The following DIP2C variants were observed in gnomAD, a reference collection of about 807,000 sequenced individuals.
The protein encoded by DIP2C is disco-interacting protein 2 homolog C.
In DIP2C, 33 loss-of-function variants were observed where a neutral mutation model predicts 192.4. The observed-to-expected ratio is 0.17, with a 90% CI of 0.13 to 0.23. The LOEUF (loss-of-function observed/expected upper bound fraction) is 0.23. DIP2C is among the 10% of genes least tolerant of loss of function. The pLI, the probability that DIP2C is intolerant of heterozygous loss-of-function variation, is 1.00. For missense variants in DIP2C, 1,537 were observed against 2,110.1 expected (o/e 0.73, Z 5.32); for synonymous variants, 979 against 864.1 (o/e 1.13, Z -2.33).
At chr10:351,512 C>A (rs1393592877) in intron 24 of DIP2C, among the ~76,000 whole-genome samples, 1 of 152,202 alleles carries the variant, frequency 6.6e-6, no homozygotes, top group African/African-American at 2.4e-5. Context: ...TGGCTGGTCT[C>A]CTCCATGGAG....
At chr10:371,118 A>G (rs2132795884) in intron 17 of DIP2C, among the ~76,000 whole-genome samples, 1 of 152,058 alleles carries the variant, frequency 6.6e-6, no homozygotes, top group East Asian at 1.9e-4. Flanking sequence ...CAAAATGAAA[A>G]CACAGGTGTT....
In DIP2C at chr10:529,891, G is replaced by A. The variant is rs114146919; in HGVS notation, c.86-43361C>T. 5.5e-3 allele frequency among the ~76,000 whole-genome samples: 832 copies of A among 152,280 alleles called. 10 individuals are homozygous for A. The highest frequency in any genetic ancestry group is 0.019 in the African/African-American group (780 of 41,566). Reference sequence around the variant, plus strand: ...ACTTTCTGGCTCAAGCAATCCTCCTGCCTCAGCCTCCCAAAGAAGCTGGGA... The same window carrying A: ...ACTTTCTGGCTCAAGCAATCCTCCTACCTCAGCCTCCCAAAGAAGCTGGGA... On this transcript the variant is annotated intron_variant, in intron 1 of 36. Coordinates refer to ENST00000280886, the MANE Select transcript of DIP2C (RefSeq NM_014974.3).
At chr10:484,665 A>AC (rs764737519) in intron 2 of DIP2C, 38 of 1,377,174 alleles carry the variant, frequency 2.8e-5, no homozygotes, top group Non-Finnish European at 3.7e-5. Context: ...GGAGAATGGG[A>AC]CCCTCAGGCC....
intron 32 of DIP2C, among the ~76,000 whole-genome samples, chr10:305,467 C>G (rs1248735854): frequency 6.6e-6 from 1 of 152,186 alleles, no homozygotes; most frequent in African/African-American, 2.4e-5. Flanking sequence ...GTGGCCCCTG[C>G]TCTCAGGATC....
rs975283332 is a variant in DIP2C at position 303,103 on chromosome 10, G to A, written c.3986+6928C>T. On this transcript the variant is annotated intron_variant, in intron 32 of 36. Coordinates refer to ENST00000280886, the MANE Select transcript of DIP2C (RefSeq NM_014974.3). The stretch of plus-strand genomic sequence containing the variant: ...TGTAAGCTAAGACATCACCGCACGC[G>A]GCTGTAGACTTCATAAACACTGTAC... Among the ~76,000 whole-genome samples the A allele has an allele frequency of 2.0e-5, 3 of 152,174 alleles. 1 individual carries two copies. Among genetic ancestry groups the A allele is most frequent in the South Asian group, 4.1e-4 (2 of 4,832 alleles).
intron 1 of DIP2C, among the ~76,000 whole-genome samples, chr10:521,506 A>AGCC (rs1223642074): frequency 1.3e-5 from 2 of 152,198 alleles, no homozygotes; most frequent in African/African-American, 2.4e-5. Flanking sequence ...GTGTGGTCCC[A>AGCC]GCCCTGCTGC....
Position 288,424 on chromosome 10 carries a change from G to A in DIP2C, c.3987-3C>T, listed in dbSNP as rs762740135. On this transcript the variant is annotated splice_polypyrimidine_tract_variant and splice_region_variant and intron_variant, in intron 32 of 36. Coordinates refer to ENST00000280886, the MANE Select transcript of DIP2C (RefSeq NM_014974.3). Reference sequence around the variant, plus strand: ...ATCCTCTTTCCACTAAGCGGACTCTGCAAACAGAAAGAGAAAATATTCCTA... The same window carrying A: ...ATCCTCTTTCCACTAAGCGGACTCTACAAACAGAAAGAGAAAATATTCCTA... 5.0e-6 allele frequency: 8 copies of A among 1,613,770 alleles called. No homozygotes were observed. The East Asian group carries it at 8.9e-5, about 18-fold the overall frequency.
Position 538,743 on chromosome 10 carries a change from C to A in DIP2C, c.86-52213G>T, listed in dbSNP as rs560361883. Among the ~76,000 whole-genome samples, 4 of 152,158 alleles carry A rather than the reference C, an allele frequency of 2.6e-5. No individual in the cohort carries two copies. In the South Asian group the frequency reaches 8.3e-4, roughly 32 times the overall value. ...AACATTCTAAGGTTCTTATTGAAAA[C>A]GTTTCTTTTTAACAAAAGATAACTG... On this transcript the variant is annotated intron_variant, in intron 1 of 36. Transcript: ENST00000280886.
chr10:602,052 G>T (rs905008083), intron 1 of DIP2C, among the ~76,000 whole-genome samples: 2 of 150,950 alleles, frequency 1.3e-5, no homozygotes, highest in Non-Finnish European at 3.0e-5. Context: ...AGCCACATGG[G>T]AAGGGGCTTT....
chr10:363,817 A>T lies in DIP2C; in HGVS notation c.2478-506T>A, dbSNP rs1026974009. Among the ~76,000 whole-genome samples the T allele has an allele frequency of 6.6e-6, 1 of 152,266 alleles. No individual in the cohort carries two copies. Among genetic ancestry groups the T allele is most frequent in the African/African-American group, 2.4e-5 (1 of 41,472 alleles). ...GATAATTCAAAGGCAGCAACATCAT[A>T]TCCAGGTATCTACTTCCTGCTCCCA... On this transcript the variant is annotated intron_variant, in intron 20 of 36. Coordinates refer to ENST00000280886, the MANE Select transcript of DIP2C (RefSeq NM_014974.3). The surrounding 1 kb of genome is among the most constrained non-coding windows in gnomAD (Gnocchi z 5.4).
intron 1 of DIP2C, among the ~76,000 whole-genome samples, chr10:591,836 C>T (rs762100569): frequency 2.6e-5 from 4 of 151,432 alleles, no homozygotes; most frequent in Non-Finnish European, 5.9e-5. Context: ...AGGGACCTCT[C>T]CTCAGACGTC....
At chr10:515,519 T>C (rs1344841018) in intron 1 of DIP2C, among the ~76,000 whole-genome samples, 1 of 152,088 alleles carries the variant, frequency 6.6e-6, no homozygotes, top group Non-Finnish European at 1.5e-5. Context: ...GGTAAGGAGT[T>C]CAAGACCAGC....
At chr10:337,104 T>TGC (rs1957839738) in intron 29 of DIP2C, among the ~76,000 whole-genome samples, 1 of 116,458 alleles carries the variant, frequency 8.6e-6, no homozygotes, top group African/African-American at 3.4e-5. Context: ...TGTGTGTGCG[T>TGC]GTGTGTGTTG....
At chr10:505,111 G>A (rs570720732) in intron 1 of DIP2C, among the ~76,000 whole-genome samples, 272 of 152,292 alleles carry the variant, frequency 1.8e-3, no homozygotes, top group Middle Eastern at 6.8e-3. Context: ...TCCCGGAACC[G>A]TGTGCATCTC....
intron 1 of DIP2C, among the ~76,000 whole-genome samples, chr10:538,303 T>C (rs1313744858): frequency 6.6e-6 from 1 of 151,952 alleles, no homozygotes; most frequent in Non-Finnish European, 1.5e-5. Context: ...ACTACAGGTG[T>C]GCACCACCAC....
intron 1 of DIP2C, among the ~76,000 whole-genome samples, chr10:569,876 C>T (rs185449712): frequency 6.6e-6 from 1 of 152,266 alleles, no homozygotes; most frequent in East Asian, 1.9e-4. Flanking sequence ...ATTTTGAAGC[C>T]ATCTGGGTTT....
At chr10:347,248 C>T (rs1379434139) in intron 26 of DIP2C, among the ~76,000 whole-genome samples, 8 of 117,418 alleles carry the variant, frequency 6.8e-5, no homozygotes, top group Non-Finnish European at 1.2e-4. Context: ...CCCGGAAACC[C>T]CACACGCACC....
intron 1 of DIP2C, among the ~76,000 whole-genome samples, chr10:579,043 T>C (rs755696691): frequency 6.6e-6 from 1 of 152,070 alleles, no homozygotes; most frequent in Non-Finnish European, 1.5e-5. Context: ...AGACCCAGTG[T>C]ACAAACATAA....
intron 3 of DIP2C, among the ~76,000 whole-genome samples, chr10:446,437 G>A (rs1968225087): frequency 6.6e-6 from 1 of 151,838 alleles, no homozygotes; most frequent in Non-Finnish European, 1.5e-5. Flanking sequence ...CTGTTGTGAA[G>A]AGTGTATCTT....
Sources: allele counts gnomAD v4.1 joint callset (sites outside exome capture counted in the v4.1 genomes callset), GRCh38; gene constraint gnomAD v4.1.1; non-coding constraint Gnocchi (gnomAD v3.1); transcripts MANE v1.5; gene names NCBI Gene and HGNC (gene_info 2026-07-23, HGNC 2026-07-21).